Variants in SMAD4 observed in about 807,000 individuals in gnomAD.
SMAD4 encodes MAD homolog 4.
Under a neutral mutation model 63.2 loss-of-function variants are expected in SMAD4, and 7 were observed. That is an observed-to-expected ratio of 0.11 (90% confidence interval 0.06 to 0.21). The LOEUF (loss-of-function observed/expected upper bound fraction) is 0.21, where lower values mean the gene tolerates loss of function less well. SMAD4 is among the 10% of genes least tolerant of loss of function. The pLI, the probability that SMAD4 is intolerant of heterozygous loss-of-function variation, is 1.00. For synonymous variants in SMAD4, 215 were observed against 235.4 expected (o/e 0.91, Z 0.79); for missense variants, 312 against 693.8 (o/e 0.45, Z 6.18).
chr18:51,031,665 G>A (rs1325280601), intron 1 of SMAD4, among the ~76,000 whole-genome samples: 1 of 151,704 alleles, frequency 6.6e-6, no homozygotes, highest in Non-Finnish European at 1.5e-5. Flanking sequence ...TCTAGTCTTA[G>A]TAGCAGCTTG....
chr18:51,073,842 C>T lies in SMAD4; in HGVS notation c.1309-2796C>T, dbSNP rs114450613. On this transcript the variant is annotated intron_variant, in intron 10 of 11. Coordinates refer to ENST00000342988, the MANE Select transcript of SMAD4 (RefSeq NM_005359.6). ...CACTGTGCCTGGCCAAGAGAAAAAG[C>T]GAGAACTTTTAAGATACAACATCAA... 4.2e-3 allele frequency among the ~76,000 whole-genome samples: 637 copies of T among 151,874 alleles called. 5 individuals are homozygous for T. Among genetic ancestry groups the T allele is most frequent in the African/African-American group, 0.014 (599 of 41,416 alleles).
chr18:51,066,857 G>A lies in SMAD4; in HGVS notation c.1140-162G>A, dbSNP rs1473622800. 4 of 619,780 alleles carry A rather than the reference G, an allele frequency of 6.5e-6. No individual in the cohort carries two copies. The South Asian group carries it at 7.9e-5, about 12-fold the overall frequency. 38.4% of individuals were successfully genotyped at this position (619,780 alleles called of 1,614,324 possible). ...GTGCATCATTATTAGATATGAACAG[G>A]AAAAGAAAAAAGGAAATATACAAAA... On this transcript the variant is annotated intron_variant, in intron 9 of 11. Coordinates refer to ENST00000342988, the MANE Select transcript of SMAD4 (RefSeq NM_005359.6).
At chr18:51,077,357 C>A in intron 11 of SMAD4, 1 of 982,084 alleles carries the variant, frequency 1.0e-6, no homozygotes, top group South Asian at 4.7e-5. Flanking sequence ...TGGCACCCAT[C>A]TTCCACGTCT....
intron 10 of SMAD4, among the ~76,000 whole-genome samples, chr18:51,072,968 TG>T (rs1910356589): frequency 6.6e-6 from 1 of 152,272 alleles, no homozygotes; most frequent in Admixed American, 6.5e-5. Context: ...AGTTACAGTG[TG>T]AAGTCAGGAG....
intron 9 of SMAD4, chr18:51,066,681 A>G (rs1198139813): frequency 8.5e-6 from 2 of 234,982 alleles, no homozygotes; most frequent in Non-Finnish European, 1.7e-5. Context: ...TTTAATTTAA[A>G]TAGTCACATG....
Position 51,084,867 on chromosome 18 carries a change from G to A in SMAD4, c.*6400G>A, listed in dbSNP as rs547102720. On this transcript the variant is annotated 3_prime_UTR_variant, in exon 12 of 12. Transcript: ENST00000342988. ...TGCAGCTATGCCAGAAGCCAGAGAA[G>A]AGCCACTCGTAGCTTCTGCTTTGGG... 1 of 224,836 alleles carries A rather than the reference G, an allele frequency of 4.4e-6. No individual in the cohort carries two copies. The highest frequency in any genetic ancestry group is 8.9e-6 in the Non-Finnish European group (1 of 112,844). 13.9% of individuals were successfully genotyped at this position (224,836 alleles called of 1,614,324 possible).
chr18:51,058,152 G>A lies in SMAD4; in HGVS notation c.695G>A (p.Ser232Asn), dbSNP rs1909891695. Residue 232 changes from serine to asparagine, a missense_variant, in exon 6 of 12, where the codon AGC (serine) becomes AAC (asparagine). Physicochemically the swap from Ser to Asn is conservative, Grantham distance 46. Around this residue, in one of 4 missense-constraint regions of SMAD4, gnomAD observed 169 missense variants for 211.0 expected, o/e 0.80. Transcript: ENST00000342988. ...TSQPASILGG[S>N]HSEGLLQIAS... Reference sequence around the variant, plus strand: ...CAGCCTGCCAGTATACTGGGGGGCAGCCATAGTGAAGGACTGTTGCAGATA... The same window carrying A: ...CAGCCTGCCAGTATACTGGGGGGCAACCATAGTGAAGGACTGTTGCAGATA... The A allele has an allele frequency of 6.2e-7, 1 of 1,614,068 alleles. No individual in the cohort carries two copies. The highest frequency in any genetic ancestry group is 1.1e-5 in the South Asian group (1 of 91,092).
chr18:51,064,154 A>C (rs977388007), intron 8 of SMAD4, among the ~76,000 whole-genome samples: 3 of 152,180 alleles, frequency 2.0e-5, no homozygotes, highest in Non-Finnish European at 4.4e-5. Context: ...ATTCTAGTTT[A>C]AAGTTCATAA....
chr18:51,031,486 T>G (rs943871194), intron 1 of SMAD4, among the ~76,000 whole-genome samples: 1 of 152,238 alleles, frequency 6.6e-6, no homozygotes, highest in African/African-American at 2.4e-5. Flanking sequence ...AATTAGTTTC[T>G]TAATGCATTT....
intron 8 of SMAD4, among the ~76,000 whole-genome samples, chr18:51,064,813 G>A (rs1910105778): frequency 6.6e-6 from 1 of 152,216 alleles, no homozygotes; most frequent in African/African-American, 2.4e-5. Context: ...CCAAGAGACA[G>A]TTGAGAATCT....
chr18:51,038,771 A>T (rs564665744), intron 1 of SMAD4, among the ~76,000 whole-genome samples: 58 of 152,332 alleles, frequency 3.8e-4, no homozygotes, highest in African/African-American at 1.3e-3. Flanking sequence ...TAATGGGTTT[A>T]TTATTTTAAA....
intron 10 of SMAD4, among the ~76,000 whole-genome samples, chr18:51,075,641 T>C (rs1426629608): frequency 6.6e-6 from 1 of 152,208 alleles, no homozygotes; most frequent in Admixed American, 6.5e-5. Flanking sequence ...GTGATGTGAT[T>C]TATTATCTGT....
Position 51,079,554 on chromosome 18 carries a change from G to C in SMAD4, c.*1087G>C, listed in dbSNP as rs1399204331. 4.3e-6 allele frequency: 1 copy of C among 233,236 alleles called. No homozygotes were observed. The highest frequency in any genetic ancestry group is 8.5e-6 in the Non-Finnish European group (1 of 117,892). The allele number at this position is 233,236 out of a possible 1,614,324, so 14.4% of individuals were successfully genotyped here. ...ATAATGTTTAAATCATGTATGTTAT[G>C]ATATTGTTTAAAATTCAGTTTTTGT... is the stretch of plus-strand genomic sequence containing the variant. On this transcript the variant is annotated 3_prime_UTR_variant, in exon 12 of 12. Coordinates refer to ENST00000342988, the MANE Select transcript of SMAD4 (RefSeq NM_005359.6).
chr18:51,054,258 C>G (rs980989725), intron 4 of SMAD4: 5 of 165,006 alleles, frequency 3.0e-5, no homozygotes, highest in African/African-American at 1.2e-4. Flanking sequence ...ATTCAGTACA[C>G]TTCATTTTTA....
Position 51,084,012 on chromosome 18 carries a change from G to GCACA in SMAD4, c.*5574_*5577dup, listed in dbSNP as rs56017493. The GCACA allele has an allele frequency of 0.2, 32,452 of 158,536 alleles. 2,196 individuals carry two copies. Among genetic ancestry groups the GCACA allele is most frequent in the Non-Finnish European group, 0.24 (18,654 of 78,198 alleles). 9.8% of individuals were successfully genotyped at this position (158,536 alleles called of 1,614,324 possible). A position where few individuals can be genotyped will look rare whatever the true frequency, so the allele number is the denominator to read the frequency against. On this transcript the variant is annotated 3_prime_UTR_variant, in exon 12 of 12. Coordinates refer to ENST00000342988, the MANE Select transcript of SMAD4 (RefSeq NM_005359.6). ...TTAACGCGCGTGCGCACGCGCGCGC[G>GCACA]CACACACACACACACACACACACAC...
Position 51,056,103 on chromosome 18 carries a change from C to T in SMAD4, c.667+1110C>T, listed in dbSNP as rs1909838392. 2.6e-5 allele frequency among the ~76,000 whole-genome samples: 4 copies of T among 152,130 alleles called. No individual in the cohort carries two copies. In the South Asian group the frequency reaches 6.2e-4, roughly 24 times the overall value. On this transcript the variant is annotated intron_variant, in intron 5 of 11. Coordinates refer to ENST00000342988, the MANE Select transcript of SMAD4 (RefSeq NM_005359.6). Reference sequence around the variant, plus strand: ...GGTTAAGCACTTGAGAACCCAGTTCCTTAATCACTTGGTGCTTCTATTATC... The same window carrying T: ...GGTTAAGCACTTGAGAACCCAGTTCTTTAATCACTTGGTGCTTCTATTATC...
rs886053909 is a variant in SMAD4, at chr18:51,081,260, T to G, written c.*2793T>G. Reference sequence around the variant, plus strand: ...TCAAAGAGTCTCAAAATGTTGAATTTCAGTGCAAGCTGAATGAGAGATGAG... The same window carrying G: ...TCAAAGAGTCTCAAAATGTTGAATTGCAGTGCAAGCTGAATGAGAGATGAG... On this transcript the variant is annotated 3_prime_UTR_variant, in exon 12 of 12. Transcript: ENST00000342988. 4.0e-5 allele frequency: 9 copies of G among 226,362 alleles called. No individual in the cohort carries two copies. Among genetic ancestry groups the G allele is most frequent in the Non-Finnish European group, 7.9e-5 (9 of 113,810 alleles). The allele number at this position is 226,362 out of a possible 1,614,324, so 14.0% of individuals were successfully genotyped here. A position where few individuals can be genotyped will look rare whatever the true frequency, so the allele number is the denominator to read the frequency against.
chr18:51,057,361 C>T lies in SMAD4; in HGVS notation c.668-764C>T, dbSNP rs373469189. On this transcript the variant is annotated intron_variant, in intron 5 of 11. Transcript: ENST00000342988. ...AAAAATGTAGGACAGTAAGCAATAT[C>T]ATAGGATGGTTTTTGAATAGAATAC... Among the ~76,000 whole-genome samples the T allele has an allele frequency of 1.1e-4, 16 of 152,086 alleles. No homozygotes were observed. In the South Asian group the frequency reaches 1.7e-3, roughly 16 times the overall value.
At chr18:51,067,437 A>G (rs1599197418) in intron 10 of SMAD4, among the ~76,000 whole-genome samples, 1 of 151,918 alleles carries the variant, frequency 6.6e-6, no homozygotes. Flanking sequence ...TTTGAGACAG[A>G]GTCTTGCTCT....
Sources: gnomAD v4.1 joint callset for allele counts (sites outside exome capture counted in the v4.1 genomes callset) on GRCh38, gnomAD v4.1.1 for gene constraint, gnomAD v4.1.1 regional missense constraint, MANE v1.5 for transcripts, NCBI Gene and HGNC (gene_info 2026-07-23, HGNC 2026-07-21) for gene names.